SYNPR: variants seen among roughly 807,000 people sequenced by gnomAD.
SYNPR encodes the protein synaptoporin.
In SYNPR, 23 loss-of-function variants were observed where a neutral mutation model predicts 32.9. The ratio of observed to expected loss-of-function variants is 0.70; its 90% CI spans 0.50 to 0.99. The LOEUF (loss-of-function observed/expected upper bound fraction) is 0.99. Ranked by LOEUF, SYNPR falls within the 50% of genes least tolerant of loss-of-function variation. SYNPR has a pLI of 0.00. For synonymous variants in SYNPR, 146 were observed against 135.9 expected, an observed-to-expected ratio of 1.07 and a Z score of -0.52; for missense variants, 318 against 349.3, an observed-to-expected ratio of 0.91 and a Z score of 0.71.
intron 2 of SYNPR, among the ~76,000 whole-genome samples, chr3:63,327,412 T>A (rs929082669): frequency 6.6e-6 from 1 of 152,118 alleles, no homozygotes. Flanking sequence ...CCTATTTATG[T>A]ATTGTGTATG....
intron 2 of SYNPR, among the ~76,000 whole-genome samples, chr3:63,480,432 CA>C (rs997222773): frequency 6.6e-6 from 1 of 152,118 alleles, no homozygotes; most frequent in African/African-American, 2.4e-5. Context: ...TAAAGACAAA[CA>C]AAGAGAAGAA....
At chr3:63,451,141 G>C (rs1429394924) in intron 2 of SYNPR, among the ~76,000 whole-genome samples, 3 of 152,186 alleles carry the variant, frequency 2.0e-5, no homozygotes, top group Non-Finnish European at 2.9e-5. Flanking sequence ...ACTTCCCAGA[G>C]TTATGAAGAA....
chr3:63,523,319 C>T (rs1315547893), intron 3 of SYNPR, among the ~76,000 whole-genome samples: 4 of 152,092 alleles, frequency 2.6e-5, no homozygotes, highest in African/African-American at 9.7e-5. Flanking sequence ...TTACGTCTGG[C>T]TTCCTGTTGT....
chr3:63,276,642 T>C (rs2086576887), upstream of SYNPR, among the ~76,000 whole-genome samples: 1 of 117,520 alleles, frequency 8.5e-6, no homozygotes, highest in Admixed American at 1.2e-4. Flanking sequence ...TCCCCCATAG[T>C]TGCATAATGG....
intron 3 of SYNPR, among the ~76,000 whole-genome samples, chr3:63,542,411 T>C (rs1702322198): frequency 6.6e-6 from 1 of 152,106 alleles, no homozygotes; most frequent in Non-Finnish European, 1.5e-5. Context: ...AAATTTCGTG[T>C]TGTAAATTCC....
At chr3:63,450,333 T>G (rs1700355721) in intron 2 of SYNPR, among the ~76,000 whole-genome samples, 2 of 152,174 alleles carry the variant, frequency 1.3e-5, no homozygotes, top group Admixed American at 1.3e-4. Context: ...TCAAACTATC[T>G]GATCTCTTGC....
chr3:63,266,363 G>C (rs965608964), intron 2 of SYNPR, among the ~76,000 whole-genome samples: 12 of 151,558 alleles, frequency 7.9e-5, no homozygotes, highest in Non-Finnish European at 1.6e-4. Flanking sequence ...TTAATATTAT[G>C]GTGCCTAGTA....
intron 4 of SYNPR, among the ~76,000 whole-genome samples, chr3:63,559,810 G>A (rs1702655342): frequency 6.6e-6 from 1 of 151,456 alleles, no homozygotes; most frequent in Admixed American, 6.6e-5. Context: ...ATGTACAGAT[G>A]GACATACCTA....
intron 2 of SYNPR, chr3:63,423,746 A>C (rs1399086928): frequency 2.0e-5 from 3 of 152,232 alleles, no homozygotes; most frequent in Non-Finnish European, 4.4e-5. Flanking sequence ...TATCACTTGC[A>C]GTCTTGGCTC....
intron 2 of SYNPR, among the ~76,000 whole-genome samples, chr3:63,339,934 G>C (rs1192136341): frequency 2.6e-5 from 4 of 152,190 alleles, no homozygotes; most frequent in Admixed American, 6.5e-5. Flanking sequence ...TGGAATTAGA[G>C]GCGTGAGCCA....
intron 4 of SYNPR, among the ~76,000 whole-genome samples, chr3:63,604,187 G>T (rs6766243): frequency 6.6e-6 from 1 of 152,030 alleles, no homozygotes; most frequent in African/African-American, 2.4e-5. Flanking sequence ...GGAGTCAGTG[G>T]TAATATCCCC....
intron 1 of SYNPR, among the ~76,000 whole-genome samples, chr3:63,248,091 G>C (rs1289944374): frequency 6.6e-6 from 1 of 152,132 alleles, no homozygotes; most frequent in Non-Finnish European, 1.5e-5. Flanking sequence ...TTGGGATTGA[G>C]AGCTATTAAG....
Position 63,329,458 on chromosome 3 carries a change from A to G in SYNPR, c.84+50716A>G, listed in dbSNP as rs1280703378. Among the ~76,000 whole-genome samples the G allele has an allele frequency of 2.6e-5, 4 of 152,180 alleles. No homozygotes were observed. In the East Asian group the frequency reaches 7.7e-4, roughly 29 times the overall value. ...TGCAATGCAAACCCTCACCCAAGAC[A>G]TCACAACACAGCAATTAAAATTGGA... On this transcript the variant is annotated intron_variant, in intron 2 of 5. Coordinates refer to ENST00000478300, the MANE Select transcript of SYNPR (RefSeq NM_001130003.2).
At chr3:63,533,521 C>A (rs185077832) in intron 3 of SYNPR, among the ~76,000 whole-genome samples, 2 of 152,092 alleles carry the variant, frequency 1.3e-5, no homozygotes, top group East Asian at 3.9e-4. Context: ...CCTAAGGTTA[C>A]AAGTAACAGA....
upstream of SYNPR, among the ~76,000 whole-genome samples, chr3:63,274,632 T>G (rs2086560239): frequency 6.6e-6 from 1 of 152,242 alleles, no homozygotes; most frequent in Non-Finnish European, 1.5e-5. Context: ...ACAGGAAACT[T>G]GGCAAGCTGT....
intron 2 of SYNPR, among the ~76,000 whole-genome samples, chr3:63,380,473 G>C (rs2087952178): frequency 6.6e-6 from 1 of 152,148 alleles, no homozygotes; most frequent in Non-Finnish European, 1.5e-5. Context: ...TCTGTTGGCT[G>C]CATAAATGTC....
At chr3:63,502,581 C>G (rs7610588) in intron 3 of SYNPR, among the ~76,000 whole-genome samples, 1 of 151,850 alleles carries the variant, frequency 6.6e-6, no homozygotes, top group African/African-American at 2.4e-5. Context: ...CTCTGACAAC[C>G]ATTGATGCTT....
At chr3:63,606,830 C>T (rs913994180) in intron 4 of SYNPR, among the ~76,000 whole-genome samples, 1 of 152,178 alleles carries the variant, frequency 6.6e-6, no homozygotes, top group Admixed American at 6.5e-5. Context: ...ATGACTTCAA[C>T]CAATTTGTTT....
chr3:63,279,791 T>C (rs184975780), intron 2 of SYNPR, among the ~76,000 whole-genome samples: 1 of 152,338 alleles, frequency 6.6e-6, no homozygotes, highest in East Asian at 1.9e-4. Context: ...TGATGATTGT[T>C]TACACGGATG....
Sources: gnomAD v4.1 joint callset for allele counts (sites outside exome capture counted in the v4.1 genomes callset) on GRCh38, gnomAD v4.1.1 for gene constraint, MANE v1.5 for transcripts, NCBI Gene and HGNC (gene_info 2026-07-23, HGNC 2026-07-21) for gene names.